Variants in KIFC3 observed in about 807,000 individuals in gnomAD.
KIFC3 encodes kinesin family member C3.
Under a neutral mutation model 101.8 loss-of-function variants are expected in KIFC3, and 60 were observed. That is an observed-to-expected ratio of 0.59 (90% CI 0.48 to 0.73). KIFC3 has a LOEUF of 0.73. Among genes scored for constraint, KIFC3 ranks in the 30% least tolerant of loss-of-function variants. The pLI, the probability that KIFC3 is intolerant of heterozygous loss-of-function variation, is 0.00. For missense variants in KIFC3, 966 were observed against 1,137.1 expected, an observed-to-expected ratio of 0.85 and a Z score of 2.16; for synonymous variants, 476 against 482.7, an observed-to-expected ratio of 0.99 and a Z score of 0.18.
At chr16:57,791,359 A>G (rs1331132317) in intron 3 of KIFC3, among the ~76,000 whole-genome samples, 2 of 152,250 alleles carry the variant, frequency 1.3e-5, no homozygotes, top group African/African-American at 2.4e-5. Context: ...TTTGCCAGCC[A>G]AGGCAAAGGT....
At chr16:57,807,915 G>A, upstream of KIFC3, 1 of 121,302 alleles carries the variant, frequency 8.2e-6, no homozygotes, top group South Asian at 2.8e-4. Context: ...GGGCAACAGA[G>A]CAAGATCCTG....
At chr16:57,803,607 G>C (rs2054858972), upstream of KIFC3, among the ~76,000 whole-genome samples, 1 of 152,242 alleles carries the variant, frequency 6.6e-6, no homozygotes, top group Non-Finnish European at 1.5e-5. Flanking sequence ...CAAGAATCTC[G>C]ACCAGCGACG....
intron 2 of KIFC3, among the ~76,000 whole-genome samples, chr16:57,796,108 GTCTTGAACTCCTAACCTCAAGTGA>G (rs2054300419): frequency 6.6e-6 from 1 of 152,026 alleles, no homozygotes; most frequent in Admixed American, 6.6e-5. Flanking sequence ...GGCCAGGCTG[GTCTTGAACTCCTAACCTCAAGTGA>G]TCTGCCCGCC....
intron 7 of KIFC3, 111 bp downstream of exon 7, chr16:57,770,416 A>G (rs1311553294): frequency 1.4e-4 from 136 of 988,764 alleles, no homozygotes; most frequent in Non-Finnish European, 3.0e-5. Flanking sequence ...CGGGGAGAGG[A>G]GGGACTGGAC....
At chr16:57,781,496 C>A (rs2052732946) in intron 3 of KIFC3, among the ~76,000 whole-genome samples, 1 of 152,224 alleles carries the variant, frequency 6.6e-6, no homozygotes. Context: ...GCCACAGCCT[C>A]CTGTGGTCAC....
At chr16:57,795,327 G>C (rs1568045865) in intron 2 of KIFC3, among the ~76,000 whole-genome samples, 186 bp from the exon 3 acceptor site, 1 of 152,194 alleles carries the variant, frequency 6.6e-6, no homozygotes, top group Non-Finnish European at 1.5e-5. Context: ...CCTGGCTCGG[G>C]GCAGTGGCTA....
At chr16:57,834,051 A>G (rs1305656864) in intron 1 of KIFC3, among the ~76,000 whole-genome samples, 5 of 151,936 alleles carry the variant, frequency 3.3e-5, no homozygotes, top group African/African-American at 7.3e-5. Flanking sequence ...TTTAGTAGAG[A>G]CAGGGTTTCA....
chr16:57,809,799 T>G (rs1350625428), intron 1 of KIFC3, among the ~76,000 whole-genome samples: 1 of 152,234 alleles, frequency 6.6e-6, no homozygotes, highest in Non-Finnish European at 1.5e-5. Context: ...CTTTTCACGC[T>G]AATTTACAGT....
rs1258201029 is a variant in KIFC3, at chr16:57,851,431, GTTTAT to G, written c.108+11293_108+11297del. ...TTAAAAACACATAGATTTTTCTTGT[GTTTAT>G]TTTATTTTATTTTTCCTTATCCCTG... On this transcript the variant is annotated intron_variant, in intron 1 of 2. Transcript: ENST00000563028. Among the ~76,000 whole-genome samples, 479 of 152,108 alleles carry G rather than the reference GTTTAT, an allele frequency of 3.1e-3. 5 individuals carry two copies. The highest frequency in any genetic ancestry group is 0.011 in the African/African-American group (449 of 41,490).
intron 1 of KIFC3, among the ~76,000 whole-genome samples, chr16:57,826,602 A>C (rs1387353115): frequency 6.6e-6 from 1 of 152,194 alleles, no homozygotes; most frequent in Non-Finnish European, 1.5e-5. Context: ...CTATGTGATG[A>C]TTTTGCATTC....
At chr16:57,792,050 C>T (rs932453108) in intron 3 of KIFC3, among the ~76,000 whole-genome samples, 3 of 152,228 alleles carry the variant, frequency 2.0e-5, no homozygotes, top group African/African-American at 4.8e-5. Context: ...AGGAAGGACA[C>T]GTCCCCTTGA....
chr16:57,774,141 C>T (rs2149002997), intron 3 of KIFC3: 1 of 152,408 alleles, frequency 6.6e-6, no homozygotes, highest in African/African-American at 2.4e-5. Flanking sequence ...GGCCACGGGC[C>T]AGGCAGGGAG....
rs1555597682 is a variant in KIFC3, at chr16:57,761,530, C to T, written c.1755G>A (p.Leu585=). ...AEIYNEVLRD[L]LGKEPQEKLE... ...GTTTTTCCTGAGGCTCTTTCCCTAG[C>T]AGGTCCCTGGAGGGGCAGGTGAGAC... The change falls in exon 14 of 20, where the codon CTG becomes CTA. Residue 585 remains leucine, a synonymous_variant. Coordinates refer to ENST00000445690, the MANE Select transcript of KIFC3 (RefSeq NM_001130100.2). The T allele has an allele frequency of 1.2e-6, 2 of 1,613,104 alleles. No individual in the cohort carries two copies. Among genetic ancestry groups the T allele is most frequent in the Admixed American group, 1.7e-5 (1 of 60,006 alleles).
Position 57,769,649 on chromosome 16 carries a change from C to T in KIFC3, c.1164G>A (p.Gln388=). 6.2e-7 allele frequency: 1 copy of T among 1,611,782 alleles called. No individual in the cohort carries two copies. The highest frequency in any genetic ancestry group is 8.5e-7 in the Non-Finnish European group (1 of 1,180,016). The part of the protein sequence containing the change: ...LTNDYNGLKR[Q]VRGFPLLLQE... ...GCAGCAGCAGTGGGAAGCCGCGCAC[C>T]TGCCGCTTGAGCCCATTGTAGTCGT... The change falls in exon 9 of 20, where the codon CAG becomes CAA. Residue 388 remains glutamine (Q), a synonymous_variant. Transcript: ENST00000445690. This position sits in a 1 kb window ranked among gnomAD's most constrained non-coding sequence, Gnocchi z 4.3.
chr16:57,787,290 G>T (rs972710289), intron 3 of KIFC3, among the ~76,000 whole-genome samples: 14 of 152,220 alleles, frequency 9.2e-5, no homozygotes, highest in African/African-American at 3.1e-4. Context: ...TGGGGACAAG[G>T]AGCCTTGCCC....
chr16:57,785,166 C>A (rs577407327), intron 3 of KIFC3, among the ~76,000 whole-genome samples: 8 of 152,162 alleles, frequency 5.3e-5, no homozygotes, highest in African/African-American at 1.9e-4. Context: ...CTCACATCTA[C>A]GTCACCTCCT....
chr16:57,775,360 G>A (rs1555611247), intron 3 of KIFC3: 5 of 1,103,550 alleles, frequency 4.5e-6, no homozygotes, highest in East Asian at 5.5e-5. Context: ...CTGGCACCAC[G>A]AGCACTCTGG....
At chr16:57,768,509 T>TCACA (rs61591593) in intron 9 of KIFC3, among the ~76,000 whole-genome samples, 33 of 139,124 alleles carry the variant, frequency 2.4e-4, no homozygotes, top group Admixed American at 1.0e-3. Context: ...CCATATATTC[T>TCACA]CACACACACA....
In KIFC3 at chr16:57,795,097, C is replaced by G; in HGVS notation, c.217G>C (p.Ala73Pro). 6.2e-7 allele frequency: 1 copy of G among 1,610,186 alleles called. No homozygotes were observed. Among genetic ancestry groups the G allele is most frequent in the African/African-American group, 1.3e-5 (1 of 74,658 alleles). The change falls in exon 3 of 20, where the codon GCC (alanine) becomes CCC (proline). Residue 73 changes from alanine (A) to proline (P), a missense_variant. Ala to Pro is a conservative substitution (Grantham distance 27). Transcript: ENST00000445690. ...AGGGCTGGGCGAGCTGCACTTCGGG[C>G]ACTGGAGTCCTCGTCACCGCAGACT... Reference protein sequence around the residue: ...TPVCGDEDSSARSAARPALAQ... With the variant: ...TPVCGDEDSSPRSAARPALAQ...
Sources: allele counts gnomAD v4.1 joint callset (sites outside exome capture counted in the v4.1 genomes callset), GRCh38; gene constraint gnomAD v4.1.1; non-coding constraint Gnocchi (gnomAD v3.1); transcripts MANE v1.5; gene names NCBI Gene and HGNC (gene_info 2026-07-23, HGNC 2026-07-21).